Variants in KCNN2 observed in about 807,000 individuals in gnomAD.
KCNN2 encodes small conductance calcium-activated potassium channel protein 2.
In KCNN2, 24 loss-of-function variants were observed where a neutral mutation model predicts 55.5. That is an observed-to-expected ratio of 0.43 (90% CI 0.31 to 0.61). The LOEUF is 0.61. Ranked by LOEUF, KCNN2 falls within the 20% of genes least tolerant of loss-of-function variation. KCNN2 has a pLI of 0.08. For missense variants in KCNN2, 754 were observed against 853.6 expected, an observed-to-expected ratio of 0.88 and a Z score of 1.45; for synonymous variants, 431 against 336.1, an observed-to-expected ratio of 1.28 and a Z score of -3.09.
intron 3 of KCNN2, among the ~76,000 whole-genome samples, chr5:114,420,417 G>T (rs1030429172): frequency 6.6e-6 from 1 of 152,154 alleles, no homozygotes; most frequent in African/African-American, 2.4e-5. Context: ...GATTGTCTTT[G>T]TCCCCTGGTC....
At chr5:114,457,631 A>C (rs1760993692) in intron 3 of KCNN2, among the ~76,000 whole-genome samples, 1 of 152,086 alleles carries the variant, frequency 6.6e-6, no homozygotes, top group African/African-American at 2.4e-5. Flanking sequence ...ATGAGTTTTC[A>C]GCTTAATAAT....
intron 2 of KCNN2, among the ~76,000 whole-genome samples, chr5:114,224,629 A>G (rs1754205777): frequency 6.6e-6 from 1 of 152,212 alleles, no homozygotes; most frequent in African/African-American, 2.4e-5. Context: ...ATCTCTGGAG[A>G]GCTCTAAGCC....
intron 2 of KCNN2, among the ~76,000 whole-genome samples, chr5:114,283,753 G>C (rs3101064): frequency 6.6e-6 from 1 of 152,192 alleles, no homozygotes; most frequent in Non-Finnish European, 1.5e-5. Flanking sequence ...CCAGGTACCT[G>C]GGAGTGAAAG....
At chr5:114,271,147 C>T (rs1335331653) in intron 2 of KCNN2, among the ~76,000 whole-genome samples, 1 of 152,098 alleles carries the variant, frequency 6.6e-6, no homozygotes, top group Non-Finnish European at 1.5e-5. Context: ...GTCCGTTTTA[C>T]AGAGTGCTGA....
intron 1 of KCNN2, among the ~76,000 whole-genome samples, chr5:114,175,403 A>G (rs1753114975): frequency 6.6e-6 from 1 of 152,226 alleles, no homozygotes; most frequent in South Asian, 2.1e-4. Context: ...TAATGTACTC[A>G]TAAATTTCTG....
intron 2 of KCNN2, among the ~76,000 whole-genome samples, chr5:114,319,088 A>T (rs575353811): frequency 6.6e-6 from 1 of 152,290 alleles, no homozygotes; most frequent in East Asian, 1.9e-4. Flanking sequence ...ATTCAGGAAT[A>T]TACTCATTCC....
rs200715120 is a variant in KCNN2 at position 114,232,922 on chromosome 5, C to CTCGTTTTTTTTTTTTTTTTTTT, written c.-185+11358_-185+11359insCGTTTTTTTTTTTTTTTTTTTT. Among the ~76,000 whole-genome samples, 11 of 44,030 alleles carry CTCGTTTTTTTTTTTTTTTTTTT rather than the reference C, an allele frequency of 2.5e-4. No individual in the cohort carries two copies. The East Asian group carries it at 3.1e-3, about 12-fold the overall frequency. The allele number at this position is 44,030 out of a possible 152,430, so 28.9% of individuals were successfully genotyped here. On this transcript the variant is annotated intron_variant, in intron 2 of 10. Transcript: ENST00000512097. ...TCAGAGGTAATTTTTTATATTGTTT[C>CTCGTTTTTTTTTTTTTTTTTTT]TTGTTTTTTTTTTTTTGAGACGGAG...
chr5:114,427,010 G>A (rs1169386724), intron 3 of KCNN2, among the ~76,000 whole-genome samples: 1 of 152,098 alleles, frequency 6.6e-6, no homozygotes, highest in East Asian at 1.9e-4. Context: ...TTGTGGAATG[G>A]GGAACTTTTT....
At chr5:114,252,019 T>C (rs1392758102) in intron 2 of KCNN2, among the ~76,000 whole-genome samples, 1 of 151,254 alleles carries the variant, frequency 6.6e-6, no homozygotes, top group African/African-American at 2.4e-5. Flanking sequence ...GCTGGGATTA[T>C]AGGCATGCCC....
intron 3 of KCNN2, among the ~76,000 whole-genome samples, chr5:114,410,974 T>C (rs1008467915): frequency 1.3e-5 from 2 of 152,182 alleles, no homozygotes; most frequent in Non-Finnish European, 2.9e-5. Context: ...AATGCAACTT[T>C]TGAATACCTT....
At chr5:114,093,432 C>G (rs1751190513) in intron 1 of KCNN2, among the ~76,000 whole-genome samples, 1 of 152,216 alleles carries the variant, frequency 6.6e-6, no homozygotes, top group Non-Finnish European at 1.5e-5. Context: ...TGCCTGTTAT[C>G]CAGTTCCAAA....
At chr5:114,119,946 G>C (rs938021954) in intron 1 of KCNN2, among the ~76,000 whole-genome samples, 3 of 152,112 alleles carry the variant, frequency 2.0e-5, no homozygotes, top group Non-Finnish European at 4.4e-5. Flanking sequence ...GCCATTAGGA[G>C]ATGGAAAGTC....
At chr5:114,411,313 ATAG>A (rs1759123946) in intron 3 of KCNN2, among the ~76,000 whole-genome samples, 1 of 152,158 alleles carries the variant, frequency 6.6e-6, no homozygotes, top group Non-Finnish European at 1.5e-5. Context: ...TTATTATTAT[ATAG>A]TCTGTTAGAG....
intron 1 of KCNN2, among the ~76,000 whole-genome samples, chr5:114,183,970 AT>A (rs1469805076): frequency 4.6e-5 from 7 of 152,196 alleles, no homozygotes; most frequent in Non-Finnish European, 1.0e-4. Flanking sequence ...ATCCTAGAAA[AT>A]TAAAATAAAA....
intron 1 of KCNN2, among the ~76,000 whole-genome samples, chr5:114,152,825 G>C (rs996550925): frequency 3.3e-5 from 5 of 152,068 alleles, no homozygotes; most frequent in Admixed American, 1.3e-4. Context: ...AAAGGCATAT[G>C]GTGGGCGGGA....
chr5:114,258,067 T>TA (rs1172658554), intron 2 of KCNN2, among the ~76,000 whole-genome samples: 1 of 152,226 alleles, frequency 6.6e-6, no homozygotes, highest in Non-Finnish European at 1.5e-5. Context: ...AGCTAAATTT[T>TA]ATCAAATGCT....
intron 2 of KCNN2, among the ~76,000 whole-genome samples, chr5:114,253,118 T>G: frequency 8.0e-6 from 1 of 125,516 alleles, no homozygotes; most frequent in East Asian, 2.5e-4. Context: ...GAGGTTTCTT[T>G]TTTTTCTTGC....
intron 1 of KCNN2, among the ~76,000 whole-genome samples, chr5:114,207,207 A>G (rs1254978118): frequency 6.6e-6 from 1 of 152,042 alleles, no homozygotes; most frequent in African/African-American, 2.4e-5. Flanking sequence ...TCTCACAATA[A>G]CTGCTCTCTG....
Position 114,363,154 on chromosome 5 carries a change from C to T in KCNN2, c.1015C>T (p.Leu339=), listed in dbSNP as rs753859198. Reference sequence around the variant, plus strand: ...CTACAAGCTGGGCCACCGGCGCGCCCTGTTCGAAAAGCGCAAGCGGCTCAG... The same window carrying T: ...CTACAAGCTGGGCCACCGGCGCGCCTTGTTCGAAAAGCGCAAGCGGCTCAG... ...IGYKLGHRRA[L]FEKRKRLSDY... Residue 339 remains leucine (L), a synonymous_variant, in exon 1 of 8, where the codon CTG becomes TTG. Coordinates refer to ENST00000673685, the MANE Select transcript of KCNN2 (RefSeq NM_021614.4). 9 of 1,613,438 alleles carry T rather than the reference C, an allele frequency of 5.6e-6. No homozygotes were observed. The East Asian group carries it at 8.9e-5, about 16-fold the overall frequency.
Sources: allele counts gnomAD v4.1 joint callset (sites outside exome capture counted in the v4.1 genomes callset), GRCh38; gene constraint gnomAD v4.1.1; transcripts MANE v1.5; gene names NCBI Gene and HGNC (gene_info 2026-07-23, HGNC 2026-07-21).